Variants in CHN2 observed in about 807,000 individuals in gnomAD.
CHN2 encodes the protein chimerin 2.
A neutral mutation model predicts 56.3 loss-of-function variants in CHN2; 35 were observed. That is an observed-to-expected ratio of 0.62 (90% confidence interval 0.47 to 0.82). The LOEUF (loss-of-function observed/expected upper bound fraction) is 0.82, where lower values mean the gene tolerates loss of function less well. Among genes scored for constraint, CHN2 ranks in the 40% least tolerant of loss-of-function variants. CHN2 has a pLI of 0.00. For missense variants in CHN2, 491 were observed against 580.5 expected (o/e 0.85, Z 1.58); for synonymous variants, 210 against 212.8 (o/e 0.99, Z 0.12).
Position 29,339,961 on chromosome 7 carries a change from C to G in CHN2, c.50-14664C>G, listed in dbSNP as rs576533734. On this transcript the variant is annotated intron_variant, in intron 1 of 12. Coordinates refer to ENST00000222792, the MANE Select transcript of CHN2 (RefSeq NM_004067.4). Reference sequence around the variant, plus strand: ...AGACCACCTTCAAGATGAATAAAATCCAGCTGCTCTTATATAATGTGAAAG... The same window carrying G: ...AGACCACCTTCAAGATGAATAAAATGCAGCTGCTCTTATATAATGTGAAAG... 5.3e-5 allele frequency among the ~76,000 whole-genome samples: 8 copies of G among 152,084 alleles called. No individual in the cohort carries two copies. The South Asian group carries it at 1.7e-3, about 32-fold the overall frequency.
At chr7:29,401,749 C>CG (rs1257189762) in intron 6 of CHN2, among the ~76,000 whole-genome samples, 1 of 152,110 alleles carries the variant, frequency 6.6e-6, no homozygotes, top group East Asian at 1.9e-4. Context: ...AGTATGCAGG[C>CG]GGGGGGTAGA....
intron 1 of CHN2, among the ~76,000 whole-genome samples, chr7:29,274,115 C>T (rs1418908038): frequency 6.6e-6 from 1 of 152,144 alleles, no homozygotes; most frequent in Non-Finnish European, 1.5e-5. Context: ...TGGCTTTTGG[C>T]ATTTGAATAG....
intron 6 of CHN2, among the ~76,000 whole-genome samples, chr7:29,431,573 C>A (rs990501268): frequency 5.3e-5 from 8 of 152,204 alleles, no homozygotes; most frequent in African/African-American, 1.9e-4. Context: ...GGTTGGTCCA[C>A]TAGACCCCTC....
At chr7:29,299,087 C>T (rs1793430494) in intron 1 of CHN2, among the ~76,000 whole-genome samples, 1 of 152,188 alleles carries the variant, frequency 6.6e-6, no homozygotes, top group Non-Finnish European at 1.5e-5. Flanking sequence ...TGCTAGCTGG[C>T]TTCCTGCCTC....
At chr7:29,415,904 A>G (rs1281820323) in intron 6 of CHN2, among the ~76,000 whole-genome samples, 1 of 152,216 alleles carries the variant, frequency 6.6e-6, no homozygotes, top group Admixed American at 6.5e-5. Context: ...TGATGACACT[A>G]TTACCAAAGC....
In CHN2 at chr7:29,236,142, C is replaced by T. The variant is rs537875738; in HGVS notation, c.49+41152C>T. 5.6e-4 allele frequency among the ~76,000 whole-genome samples: 85 copies of T among 152,292 alleles called. 2 individuals carry two copies. The highest frequency in any genetic ancestry group is 7.4e-4 in the Non-Finnish European group (50 of 68,022). On this transcript the variant is annotated intron_variant, in intron 1 of 12. Transcript: ENST00000222792. Reference sequence around the variant, plus strand: ...AGCAAATAGGTTTATCAGATCTTGTCTTGAAATAAGCTTCCCTGGAGGAGA... The same window carrying T: ...AGCAAATAGGTTTATCAGATCTTGTTTTGAAATAAGCTTCCCTGGAGGAGA...
intron 1 of CHN2, among the ~76,000 whole-genome samples, chr7:29,282,784 T>C (rs990695654): frequency 6.6e-6 from 1 of 152,096 alleles, no homozygotes; most frequent in African/African-American, 2.4e-5. Flanking sequence ...ACAAATGCCA[T>C]GAAGATCACG....
chr7:29,431,753 A>G (rs6963798), intron 6 of CHN2, among the ~76,000 whole-genome samples: 22,971 of 151,382 alleles, frequency 0.15, 1,893 homozygotes, highest in Middle Eastern at 0.2. Context: ...TTGGGCAATC[A>G]GGGAGGAGGG....
At chr7:29,339,000 T>G (rs555825766) in intron 1 of CHN2, among the ~76,000 whole-genome samples, 1 of 152,218 alleles carries the variant, frequency 6.6e-6, no homozygotes, top group African/African-American at 2.4e-5. Context: ...ACAAAAGGAA[T>G]GTTATCTTAG....
chr7:29,232,194 A>ATT (rs1192129234), intron 1 of CHN2, among the ~76,000 whole-genome samples: 1 of 152,232 alleles, frequency 6.6e-6, no homozygotes, highest in Non-Finnish European at 1.5e-5. Context: ...AGGAGACAAT[A>ATT]GATTCAGGAC....
At chr7:29,166,140 C>T (rs1424446339) in intron 2 of CHN2, among the ~76,000 whole-genome samples, 1 of 152,118 alleles carries the variant, frequency 6.6e-6, no homozygotes, top group African/African-American at 2.4e-5. Context: ...AAGTGACCCT[C>T]CTGCCTCACC....
intron 6 of CHN2, among the ~76,000 whole-genome samples, chr7:29,437,405 T>C (rs1278922095): frequency 7.4e-6 from 1 of 135,484 alleles, no homozygotes; most frequent in Non-Finnish European, 1.6e-5. Flanking sequence ...GAGACCATCC[T>C]GGCTAACACG....
intron 1 of CHN2, chr7:29,199,493 G>T (rs1783990356): frequency 6.6e-6 from 1 of 152,174 alleles, no homozygotes; most frequent in African/African-American, 2.4e-5. Flanking sequence ...CTGGCAGAAA[G>T]ACTTGATTGC....
intron 1 of CHN2, among the ~76,000 whole-genome samples, chr7:29,241,930 T>C (rs1362578639): frequency 6.6e-6 from 1 of 152,188 alleles, no homozygotes; most frequent in African/African-American, 2.4e-5. Flanking sequence ...AGAAGAAAGT[T>C]TGATGTAATC....
intron 1 of CHN2, among the ~76,000 whole-genome samples, chr7:29,239,193 C>A (rs1361478481): frequency 6.6e-6 from 1 of 152,124 alleles, no homozygotes; most frequent in South Asian, 2.1e-4. Flanking sequence ...GTGGGAGTGA[C>A]ATATGCTTGA....
intron 6 of CHN2, among the ~76,000 whole-genome samples, chr7:29,462,693 A>G (rs539827332): frequency 2.6e-5 from 4 of 152,312 alleles, no homozygotes; most frequent in Admixed American, 2.0e-4. Flanking sequence ...ATGCCAGTGG[A>G]CAAGGAAGAA....
intron 3 of CHN2, among the ~76,000 whole-genome samples, chr7:29,374,820 C>CCTTCCTTCCTTCCTTA (rs1799905945): frequency 1.4e-5 from 2 of 147,670 alleles, no homozygotes; most frequent in Non-Finnish European, 3.0e-5. Context: ...TTCCTTCCTT[C>CCTTCCTTCCTTCCTTA]CTTCCTTCCT....
intron 6 of CHN2, among the ~76,000 whole-genome samples, chr7:29,461,865 TGGATGGAA>T (rs1440797357): frequency 1.4e-5 from 2 of 138,410 alleles, no homozygotes; most frequent in African/African-American, 6.5e-5. Flanking sequence ...GATGGATGGA[TGGATGGAA>T]GGAAGAGAGA....
At chr7:29,217,651 G>T (rs1785446032) in intron 1 of CHN2, among the ~76,000 whole-genome samples, 1 of 152,058 alleles carries the variant, frequency 6.6e-6, no homozygotes, top group Non-Finnish European at 1.5e-5. Flanking sequence ...TGTCTTTAAG[G>T]CCCTGAAGTC....
Sources: allele counts gnomAD v4.1 joint callset (sites outside exome capture counted in the v4.1 genomes callset), GRCh38; gene constraint gnomAD v4.1.1; transcripts MANE v1.5; gene names NCBI Gene and HGNC (gene_info 2026-07-23, HGNC 2026-07-21).